Variants in CCBE1 observed in about 807,000 individuals in gnomAD.
The protein encoded by CCBE1 is collagen and calcium binding EGF domains 1.
Under a neutral mutation model 50.0 loss-of-function variants are expected in CCBE1, and 37 were observed. The ratio of observed to expected loss-of-function variants is 0.74; its 90% CI spans 0.57 to 0.97. CCBE1 has a LOEUF of 0.97. Ranked by LOEUF, CCBE1 falls within the 50% of genes least tolerant of loss-of-function variation. The pLI, the probability that CCBE1 is intolerant of heterozygous loss-of-function variation, is 0.00. For missense variants in CCBE1, 538 were observed against 523.8 expected, an observed-to-expected ratio of 1.03 and a Z score of -0.26; for synonymous variants, 234 against 203.7, an observed-to-expected ratio of 1.15 and a Z score of -1.27.
intron 2 of CCBE1, among the ~76,000 whole-genome samples, chr18:59,682,172 G>T (rs181548280): frequency 1.6e-4 from 25 of 152,294 alleles, no homozygotes; most frequent in Non-Finnish European, 3.5e-4. Flanking sequence ...GACCATCCTG[G>T]CCAACATGGT....
chr18:59,470,374 G>A (rs575115014), intron 3 of CCBE1, among the ~76,000 whole-genome samples: 1 of 152,196 alleles, frequency 6.6e-6, no homozygotes, highest in Admixed American at 6.5e-5. Flanking sequence ...ATGACACGAG[G>A]GAATTAAGGG....
At chr18:59,470,494 A>G (rs1303548616) in intron 3 of CCBE1, among the ~76,000 whole-genome samples, 4 of 152,296 alleles carry the variant, frequency 2.6e-5, no homozygotes, top group East Asian at 1.9e-4. Context: ...TGTATACTGT[A>G]TAAGTGTGCA....
chr18:59,594,168 C>G (rs967547066), intron 2 of CCBE1, among the ~76,000 whole-genome samples: 2 of 152,248 alleles, frequency 1.3e-5, no homozygotes, highest in African/African-American at 4.8e-5. Context: ...GATTACCTAT[C>G]CTCCTCCTTA....
Position 59,435,782 on chromosome 18 carries a change from C to A in CCBE1, c.*126G>T. 1 of 864,214 alleles carries A rather than the reference C, an allele frequency of 1.2e-6. No individual in the cohort carries two copies. The allele number at this position is 864,214 out of a possible 1,614,324, so 53.5% of individuals were successfully genotyped here. Reference sequence around the variant, plus strand: ...ATTTGGAAGAAGAGGAGTGGAGAGACGTCAGGAGAAGAGAAGAGAAAAATG... The same window carrying A: ...ATTTGGAAGAAGAGGAGTGGAGAGAAGTCAGGAGAAGAGAAGAGAAAAATG... On this transcript the variant is annotated 3_prime_UTR_variant, in exon 11 of 11. Transcript: ENST00000439986.
chr18:59,555,094 G>T (rs1194096725), intron 2 of CCBE1, among the ~76,000 whole-genome samples: 2 of 152,172 alleles, frequency 1.3e-5, no homozygotes, highest in African/African-American at 2.4e-5. Flanking sequence ...TGTCCTTCAT[G>T]TTTCAACATG....
chr18:59,656,265 T>C (rs191932505), intron 2 of CCBE1, among the ~76,000 whole-genome samples: 29 of 152,352 alleles, frequency 1.9e-4, no homozygotes, highest in Admixed American at 1.4e-3. Context: ...TAGAGTTGAC[T>C]GAATTTTCTA....
chr18:59,573,331 A>C (rs2052946539), intron 2 of CCBE1, among the ~76,000 whole-genome samples: 1 of 142,314 alleles, frequency 7.0e-6, no homozygotes, highest in Non-Finnish European at 1.5e-5. Context: ...TCATCCAATC[A>C]GTTGAAGACC....
chr18:59,519,328 GAATAA>G (rs1425024076), intron 2 of CCBE1, among the ~76,000 whole-genome samples: 1 of 152,054 alleles, frequency 6.6e-6, no homozygotes, highest in African/African-American at 2.4e-5. Flanking sequence ...GTGCTAAGAA[GAATAA>G]AATAAAAGAG....
intron 2 of CCBE1, among the ~76,000 whole-genome samples, chr18:59,547,102 GGA>G (rs1915732677): frequency 7.1e-6 from 1 of 139,876 alleles, no homozygotes; most frequent in Non-Finnish European, 1.6e-5. Context: ...AGGGAGGTAG[GGA>G]GAGGGAGGGG....
At chr18:59,600,175 G>C (rs1474782807) in intron 2 of CCBE1, among the ~76,000 whole-genome samples, 1 of 152,168 alleles carries the variant, frequency 6.6e-6, no homozygotes, top group Non-Finnish European at 1.5e-5. Context: ...GGGCAAGTGA[G>C]CATTTCTACC....
intron 2 of CCBE1, among the ~76,000 whole-genome samples, chr18:59,536,161 A>G (rs373675103): frequency 2.0e-5 from 3 of 152,212 alleles, no homozygotes; most frequent in East Asian, 1.9e-4. Context: ...AGAGATAGGA[A>G]TCTCAATTCT....
intron 2 of CCBE1, among the ~76,000 whole-genome samples, chr18:59,603,314 T>C (rs959360393): frequency 2.6e-5 from 4 of 152,240 alleles, no homozygotes; most frequent in Non-Finnish European, 5.9e-5. Flanking sequence ...TGAGGATTCA[T>C]GAATTAATTT....
chr18:59,523,712 C>T (rs1035879172), intron 2 of CCBE1, among the ~76,000 whole-genome samples: 3 of 151,992 alleles, frequency 2.0e-5, no homozygotes, highest in African/African-American at 7.3e-5. Flanking sequence ...TAATGTTAAA[C>T]GCTTGGAGAT....
intron 2 of CCBE1, among the ~76,000 whole-genome samples, chr18:59,559,720 CATTT>C: frequency 6.6e-6 from 1 of 152,354 alleles, no homozygotes; most frequent in African/African-American, 2.4e-5. Flanking sequence ...GGCAGAGCTG[CATTT>C]ATTAACAGCT....
intron 2 of CCBE1, among the ~76,000 whole-genome samples, chr18:59,574,472 G>C (rs888047388): frequency 6.6e-6 from 1 of 152,162 alleles, no homozygotes; most frequent in African/African-American, 2.4e-5. Context: ...AATTATATTG[G>C]CCTAACATGA....
At chr18:59,452,363 C>A (rs527533918) in intron 6 of CCBE1, among the ~76,000 whole-genome samples, 4 of 152,082 alleles carry the variant, frequency 2.6e-5, no homozygotes, top group African/African-American at 9.7e-5. Context: ...GAGGCCGAGG[C>A]GGGTGGATGA....
In CCBE1 at chr18:59,454,637, T is replaced by C. The variant is rs17697258; in HGVS notation, c.654+214A>G. ...CCTTACCTAGTGTCCATTTTAATAA[T>C]TGCCTCTGCAATCCCTTGCCATCAT... On this transcript the variant is annotated intron_variant, in intron 6 of 10. Transcript: ENST00000439986. Among the ~76,000 whole-genome samples the C allele has an allele frequency of 0.087, 13,216 of 152,234 alleles. 726 individuals carry two copies. The highest frequency in any genetic ancestry group is 0.15 in the African/African-American group (6,058 of 41,528).
chr18:59,472,614 G>T (rs751379583), intron 3 of CCBE1, among the ~76,000 whole-genome samples: 1 of 152,118 alleles, frequency 6.6e-6, no homozygotes, highest in South Asian at 2.1e-4. Flanking sequence ...CTCCCAAAGC[G>T]CTGGGATTAC....
chr18:59,476,869 T>C (rs973168068), intron 3 of CCBE1, among the ~76,000 whole-genome samples: 2 of 152,198 alleles, frequency 1.3e-5, no homozygotes, highest in African/African-American at 4.8e-5. Flanking sequence ...ATGGTATGGT[T>C]TGTCCCATAA....
Sources: allele counts gnomAD v4.1 joint callset (sites outside exome capture counted in the v4.1 genomes callset), GRCh38; gene constraint gnomAD v4.1.1; transcripts MANE v1.5; gene names NCBI Gene and HGNC (gene_info 2026-07-23, HGNC 2026-07-21).